INPP4A: variants seen among roughly 807,000 people sequenced by gnomAD.
INPP4A encodes the protein inositol polyphosphate-4-phosphatase type I A.
In INPP4A, 33 loss-of-function variants were observed where a neutral mutation model predicts 119.8. The observed-to-expected ratio is 0.28, with a 90% confidence interval of 0.21 to 0.37. The LOEUF (loss-of-function observed/expected upper bound fraction) is 0.37. Ranked by LOEUF, INPP4A falls within the 10% of genes least tolerant of loss-of-function variation. INPP4A has a pLI of 1.00. For missense variants in INPP4A, 956 were observed against 1,289.9 expected, an observed-to-expected ratio of 0.74 and a Z score of 3.97; for synonymous variants, 496 against 500.7, an observed-to-expected ratio of 0.99 and a Z score of 0.12.
At chr2:98,508,822 A>G (rs1684580829) in intron 1 of INPP4A, among the ~76,000 whole-genome samples, 1 of 152,214 alleles carries the variant, frequency 6.6e-6, no homozygotes, top group East Asian at 1.9e-4. Context: ...CAGCTCTGAC[A>G]GCAGACCGCC....
At chr2:98,509,905 G>C (rs1012843044) in intron 1 of INPP4A, among the ~76,000 whole-genome samples, 4 of 152,224 alleles carry the variant, frequency 2.6e-5, no homozygotes, top group African/African-American at 9.6e-5. Flanking sequence ...TCCAGGAGAA[G>C]CTGGGAACCA....
chr2:98,496,876 A>G (rs1017382737), intron 1 of INPP4A, among the ~76,000 whole-genome samples: 1 of 152,204 alleles, frequency 6.6e-6, no homozygotes, highest in African/African-American at 2.4e-5. Flanking sequence ...TCCTGGTTCT[A>G]CTGCTATCTG....
intron 14 of INPP4A, 67 bp downstream of exon 14, chr2:98,553,036 G>C (rs543687901): frequency 4.5e-6 from 6 of 1,321,844 alleles, no homozygotes; most frequent in Admixed American, 2.1e-5. Context: ...CCACCAGGCA[G>C]CCCAGGTGTA....
chr2:98,559,479 T>C lies in INPP4A; in HGVS notation c.1839T>C (p.Pro613=). ...TCTGTGCAGATTGCAGTCCCCCTCC[T>C]GAAGAGTCCAGCCCAGGTACGTGGT... ...PHLTTHCSPP[P]EESSPGEWSE... The change falls in exon 17 of 25, where the codon CCT becomes CCC. Residue 613 remains proline, a synonymous_variant. Transcript: ENST00000409851. 6.2e-7 allele frequency: 1 copy of C among 1,614,028 alleles called. No homozygotes were observed. Among genetic ancestry groups the C allele is most frequent in the Non-Finnish European group, 8.5e-7 (1 of 1,179,882 alleles).
At chr2:98,586,562 TTA>T (rs1255057587) in intron 24 of INPP4A, among the ~76,000 whole-genome samples, 1 of 152,202 alleles carries the variant, frequency 6.6e-6, no homozygotes, top group Non-Finnish European at 1.5e-5. Flanking sequence ...CTGGTTAGTT[TTA>T]TGTCTACACC....
intron 15 of INPP4A, among the ~76,000 whole-genome samples, chr2:98,555,258 A>G (rs900446456): frequency 2.0e-5 from 3 of 152,210 alleles, no homozygotes; most frequent in African/African-American, 7.2e-5. Flanking sequence ...AGGAGATGAG[A>G]CAGTGCCCTG....
At chr2:98,464,552 C>G (rs562545506) in intron 1 of INPP4A, among the ~76,000 whole-genome samples, 4 of 152,212 alleles carry the variant, frequency 2.6e-5, no homozygotes, top group Non-Finnish European at 5.9e-5. Flanking sequence ...CCAGCCTCTT[C>G]TTCTGCCATG....
chr2:98,531,374 A>G (rs1689178124), intron 4 of INPP4A, among the ~76,000 whole-genome samples: 1 of 152,234 alleles, frequency 6.6e-6, no homozygotes, highest in Non-Finnish European at 1.5e-5. Context: ...CAATAAAAAT[A>G]ATGGAAAAAA....
chr2:98,533,586 C>A, intron 5 of INPP4A, 91 bp downstream of exon 5: 1 of 787,826 alleles, frequency 1.3e-6, no homozygotes, highest in Non-Finnish European at 2.2e-6. Context: ...GCATCTGTAG[C>A]TGAAGCTGTA....
chr2:98,580,105 G>A (rs1248318519), intron 24 of INPP4A, among the ~76,000 whole-genome samples: 8 of 152,378 alleles, frequency 5.3e-5, no homozygotes, highest in Admixed American at 2.6e-4. Context: ...AGCTCTGGCT[G>A]CTGGGGTGCC....
chr2:98,589,790 G>T lies in INPP4A; in HGVS notation c.*2182G>T, dbSNP rs867440091. 13 of 185,736 alleles carry T rather than the reference G, an allele frequency of 7.0e-5. No individual in the cohort carries two copies. The highest frequency in any genetic ancestry group is 1.9e-4 in the Admixed American group (3 of 16,084). The allele number at this position is 185,736 out of a possible 1,614,324, so 11.5% of individuals were successfully genotyped here. On this transcript the variant is annotated 3_prime_UTR_variant, in exon 25 of 25. Coordinates refer to ENST00000409851, the MANE Select transcript of INPP4A (RefSeq NM_001134225.2). ...GAGGTGCAGGGAAGGCAGTTTTACA[G>T]GTTACCGTAAAACAGAGGTTCCGTC...
chr2:98,444,863 G>A lies in INPP4A; in HGVS notation c.-388G>A, dbSNP rs888522212. 1.3e-5 allele frequency: 2 copies of A among 152,122 alleles called. No homozygotes were observed. The highest frequency in any genetic ancestry group is 4.8e-5 in the African/African-American group (2 of 41,360). 9.4% of individuals were successfully genotyped at this position (152,122 alleles called of 1,614,324 possible). A position where few individuals can be genotyped will look rare whatever the true frequency, so the allele number is the denominator to read the frequency against. On this transcript the variant is annotated 5_prime_UTR_variant, in exon 1 of 25. Transcript: ENST00000409851. ...AGGGCGGGGCTGCGCCCGGCGTCTAGAGCGGCGGCGGCTGGCTAGGGCTGC... is the reference window on the plus strand; with the variant it reads ...AGGGCGGGGCTGCGCCCGGCGTCTAAAGCGGCGGCGGCTGGCTAGGGCTGC...
intron 1 of INPP4A, among the ~76,000 whole-genome samples, chr2:98,494,839 A>G (rs928940857): frequency 6.6e-6 from 1 of 152,234 alleles, no homozygotes; most frequent in East Asian, 1.9e-4. Context: ...GTCAAAAACA[A>G]TAGAGCAATC....
chr2:98,549,118 C>T (rs1373789475), intron 13 of INPP4A: 1 of 644,576 alleles, frequency 1.6e-6, no homozygotes, highest in Non-Finnish European at 2.7e-6. Context: ...GTCCTCCCTT[C>T]CAACTGCAAT....
intron 1 of INPP4A, among the ~76,000 whole-genome samples, chr2:98,465,347 C>T (rs549980025): frequency 3.3e-5 from 5 of 152,332 alleles, no homozygotes; most frequent in African/African-American, 4.8e-5. Context: ...TTCTGTCACA[C>T]GGCCCTCTCT....
chr2:98,484,979 A>C (rs1679251497), intron 1 of INPP4A, among the ~76,000 whole-genome samples: 1 of 151,976 alleles, frequency 6.6e-6, no homozygotes, highest in South Asian at 2.1e-4. Context: ...GATCCCACCG[A>C]GAGTAGTGGC....
At chr2:98,551,130 A>AT (rs919489877) in intron 13 of INPP4A, among the ~76,000 whole-genome samples, 6 of 151,986 alleles carry the variant, frequency 3.9e-5, no homozygotes, top group Middle Eastern at 3.2e-3. Flanking sequence ...TAATTTTTAA[A>AT]TTTTTTTAAA....
intron 1 of INPP4A, among the ~76,000 whole-genome samples, chr2:98,463,748 C>T (rs564728868): frequency 5.3e-5 from 8 of 152,324 alleles, no homozygotes; most frequent in East Asian, 1.9e-4. Flanking sequence ...AGCCCCTGTG[C>T]GGGATTTAGG....
At chr2:98,538,576 C>T (rs866857128) in intron 8 of INPP4A, among the ~76,000 whole-genome samples, 3 of 152,194 alleles carry the variant, frequency 2.0e-5, no homozygotes, top group Non-Finnish European at 4.4e-5. Flanking sequence ...AAAATAAGCC[C>T]AGAATGTTAG....
Sources: allele counts gnomAD v4.1 joint callset (sites outside exome capture counted in the v4.1 genomes callset), GRCh38; gene constraint gnomAD v4.1.1; transcripts MANE v1.5; gene names NCBI Gene and HGNC (gene_info 2026-07-23, HGNC 2026-07-21).